The following HEATR1 variants were observed in gnomAD, a reference collection of about 807,000 sequenced individuals.
The protein encoded by HEATR1 is HEAT repeat containing 1.
HEATR1 carries 77 observed loss-of-function variants against 248.2 expected under a neutral mutation model. The ratio of observed to expected loss-of-function variants is 0.31; its 90% CI spans 0.26 to 0.37. HEATR1 has a LOEUF of 0.37. Ranked by LOEUF, HEATR1 falls within the 10% of genes least tolerant of loss-of-function variation. The probability of loss-of-function intolerance (pLI) is 1.00; values close to 1 mark genes in which losing one functional copy is unlikely to be tolerated. For missense variants in HEATR1, 2,420 were observed against 2,504.9 expected, an observed-to-expected ratio of 0.97 and a Z score of 0.72; for synonymous variants, 897 against 923.1, an observed-to-expected ratio of 0.97 and a Z score of 0.51.
chr1:236,588,077 T>C (rs1663941498), intron 12 of HEATR1, 34 bp from the exon 13 acceptor site: 1 of 1,528,154 alleles, frequency 6.5e-7, no homozygotes, highest in Admixed American at 1.8e-5. Flanking sequence ...AATTTAGCTG[T>C]TGCCAAAAAT....
chr1:236,560,960 T>TA (rs1272971358), intron 33 of HEATR1, among the ~76,000 whole-genome samples: 6 of 152,252 alleles, frequency 3.9e-5, no homozygotes, highest in African/African-American at 1.4e-4. Context: ...GGATCAATGT[T>TA]AAATTTTCTG....
intron 23 of HEATR1, 93 bp from the exon 24 acceptor site, chr1:236,574,426 T>TAA: frequency 7.0e-7 from 1 of 1,421,820 alleles, no homozygotes; most frequent in Non-Finnish European, 9.6e-7. Context: ...AATACAAAAT[T>TAA]GTTTCCCACT....
chr1:236,604,366 T>G, intron 1 of HEATR1, 56 bp downstream of exon 1: 2 of 328,560 alleles, frequency 6.1e-6, no homozygotes, highest in Non-Finnish European at 5.4e-6. Flanking sequence ...ACTCTTACCC[T>G]CCCTCGATAT....
chr1:236,597,122 CT>C, intron 5 of HEATR1, 146 bp from the exon 6 acceptor site: 1 of 445,304 alleles, frequency 2.2e-6, no homozygotes, highest in Admixed American at 5.0e-5. Flanking sequence ...AAGTCCATGT[CT>C]CCAAAAAAAA....
rs1662896263 is a variant in HEATR1, at chr1:236,554,650, T to C, written c.6026A>G (p.His2009Arg). The change falls in exon 42 of 45, where the codon CAT becomes CGT. Residue 2009 changes from histidine to arginine, a missense_variant. By Grantham distance (29) the His-to-Arg change is conservative. Transcript: ENST00000366582. ...LYKIFLFDTQ[H>R]FISKERAEAL... Reference sequence around the variant, plus strand: ...TTCTGCTCTCTCTTTACTTATAAAATGCTGGGTATCAAAAAGGAAGATTTT... The same window carrying C: ...TTCTGCTCTCTCTTTACTTATAAAACGCTGGGTATCAAAAAGGAAGATTTT... 9 of 1,613,440 alleles carry C rather than the reference T, an allele frequency of 5.6e-6. No individual in the cohort carries two copies. Among genetic ancestry groups the C allele is most frequent in the Non-Finnish European group, 7.6e-6 (9 of 1,179,828 alleles).
intron 28 of HEATR1, 115 bp from the exon 29 acceptor site, chr1:236,569,239 G>C (rs946346571): frequency 1.2e-5 from 9 of 746,656 alleles, no homozygotes; most frequent in East Asian, 3.4e-5. Context: ...GCAGTTGTGT[G>C]ATCACAGTTC....
chr1:236,572,685 G>C (rs1328835566), intron 25 of HEATR1, 40 bp downstream of exon 25: 1 of 1,599,708 alleles, frequency 6.3e-7, no homozygotes, highest in Admixed American at 1.7e-5. Flanking sequence ...TTCAGAGTCA[G>C]GGAACAACAG....
rs779883088 is a variant in HEATR1 at position 236,595,847 on chromosome 1, C to G, written c.942G>C (p.Glu314Asp). Residue 314 changes from glutamate to aspartate, a missense_variant, in exon 7 of 45, where the codon GAG becomes GAC. By Grantham distance (45) the Glu-to-Asp change is conservative (BLOSUM62 2). Transcript: ENST00000366582. ...LIVLLQRQKP[E>D]SLGKKPFPHL... ...ATTGTACATACTTTTTCCCAAGGCT[C>G]TCTGGCTTCTGTCTCTGCAGGAGCA... is the stretch of plus-strand genomic sequence containing the variant. The G allele has an allele frequency of 9.9e-6, 16 of 1,613,180 alleles. No homozygotes were observed. The highest frequency in any genetic ancestry group is 1.4e-5 in the Non-Finnish European group (16 of 1,179,332).
At chr1:236,598,283 C>T (rs556469751) in intron 4 of HEATR1, among the ~76,000 whole-genome samples, 1 of 152,210 alleles carries the variant, frequency 6.6e-6, no homozygotes, top group Admixed American at 6.5e-5. Flanking sequence ...TTTACTGGTT[C>T]GATTTGGTTT....
chr1:236,556,797 G>A (rs1662990920), intron 37 of HEATR1, among the ~76,000 whole-genome samples: 2 of 152,086 alleles, frequency 1.3e-5, no homozygotes, highest in Admixed American at 1.3e-4. Flanking sequence ...AACCGCTGAC[G>A]TGCAATACAA....
Position 236,596,004 on chromosome 1 carries a change from T to C in HEATR1, c.785A>G (p.Tyr262Cys). The change falls in exon 7 of 45, where the codon TAC becomes TGC. Residue 262 changes from tyrosine to cysteine, a missense_variant. Physicochemically the swap from Tyr to Cys is radical, Grantham distance 194. Coordinates refer to ENST00000366582, the MANE Select transcript of HEATR1 (RefSeq NM_018072.6). ...SSLPDYRAAT[Y>C]MIICQISVKV... ...CACAGAAATCTGACATATTATCATG[T>C]ATGTTGCAGCTCTGTAATCTGGTAA... is the stretch of plus-strand genomic sequence containing the variant. The C allele has an allele frequency of 6.2e-7, 1 of 1,613,712 alleles. No homozygotes were observed.
rs1221996855 is a variant in HEATR1, at chr1:236,571,612, T to A, written c.3782A>T (p.Asn1261Ile). Residue 1261 changes from asparagine (N) to isoleucine (I), a missense_variant, in exon 27 of 45, where the codon AAC (asparagine) becomes ATC (isoleucine). Physicochemically the swap from Asn to Ile is moderately radical, Grantham distance 149. Transcript: ENST00000366582. ...ATCTGGAGATAGTTTTTGGCAGATGTTGAGCAGACAACTAAGAATTAATTG... is the reference window on the plus strand; with the variant it reads ...ATCTGGAGATAGTTTTTGGCAGATGATGAGCAGACAACTAAGAATTAATTG... ...TKQLILSCLL[N>I]ICQKLSPDGG... is the part of the protein sequence containing the mutation. 7.4e-6 allele frequency: 12 copies of A among 1,614,040 alleles called. No individual in the cohort carries two copies. The highest frequency in any genetic ancestry group is 1.3e-5 in the African/African-American group (1 of 74,954).
chr1:236,600,420 C>T (rs1664290668), intron 3 of HEATR1, among the ~76,000 whole-genome samples: 1 of 151,470 alleles, frequency 6.6e-6, no homozygotes, highest in African/African-American at 2.4e-5. Flanking sequence ...TGTGAGCCAC[C>T]ATGCCTGGCT....
chr1:236,592,873 C>T (rs1179285953), intron 9 of HEATR1, among the ~76,000 whole-genome samples: 2 of 152,146 alleles, frequency 1.3e-5, no homozygotes, highest in Non-Finnish European at 2.9e-5. Flanking sequence ...GTCAGGAGTT[C>T]GAGACCTGTC....
intron 20 of HEATR1, among the ~76,000 whole-genome samples, chr1:236,579,137 C>T (rs571871685): frequency 6.6e-6 from 1 of 152,288 alleles, no homozygotes; most frequent in Admixed American, 6.5e-5. Context: ...CTCAAATTTT[C>T]GGAGCACCAA....
In HEATR1 at chr1:236,586,432, G is replaced by C; in HGVS notation, c.1736C>G (p.Ala579Gly). Reference sequence around the variant, plus strand: ...CTCTTCTTTAATTAATATGTCAGCGGCTATCTTAAGTACCTCGTACCTAAA... The same window carrying C: ...CTCTTCTTTAATTAATATGTCAGCGCCTATCTTAAGTACCTCGTACCTAAA... ...NGEWYEVLKI[A>G]ADILIKEEIL... The change falls in exon 15 of 45, where the codon GCC becomes GGC. Residue 579 changes from alanine (A) to glycine (G), a missense_variant. By Grantham distance (60) the Ala-to-Gly change is moderately conservative. Transcript: ENST00000366582. 6.2e-7 allele frequency: 1 copy of C among 1,611,736 alleles called. No individual in the cohort carries two copies. Among genetic ancestry groups the C allele is most frequent in the Non-Finnish European group, 8.5e-7 (1 of 1,178,174 alleles).
chr1:236,589,679 C>T (rs138482291), intron 12 of HEATR1, among the ~76,000 whole-genome samples: 40 of 152,262 alleles, frequency 2.6e-4, no homozygotes, highest in African/African-American at 6.3e-4. Flanking sequence ...GAGTTCGGCA[C>T]GTTTACACTG....
At chr1:236,585,647 G>T (rs1190836621) in intron 16 of HEATR1, among the ~76,000 whole-genome samples, 173 bp downstream of exon 16, 1 of 152,074 alleles carries the variant, frequency 6.6e-6, no homozygotes, top group Non-Finnish European at 1.5e-5. Flanking sequence ...AATGTTAAAA[G>T]ATTTCAAACA....
intron 5 of HEATR1, 45 bp downstream of exon 5, chr1:236,597,832 AG>A (rs1664216974): frequency 1.6e-6 from 2 of 1,222,574 alleles, no homozygotes; most frequent in African/African-American, 3.0e-5. Context: ...ATTCAAAGCA[AG>A]CAATCTTTTC....
Sources: gnomAD v4.1 joint callset for allele counts (sites outside exome capture counted in the v4.1 genomes callset) on GRCh38, gnomAD v4.1.1 for gene constraint, MANE v1.5 for transcripts, NCBI Gene and HGNC (gene_info 2026-07-23, HGNC 2026-07-21) for gene names.